Variants in GRID2 observed in about 807,000 individuals in gnomAD.
The protein encoded by GRID2 is glutamate receptor ionotropic, delta-2.
A neutral mutation model predicts 114.8 loss-of-function variants in GRID2; 33 were observed. The observed-to-expected ratio is 0.29, with a 90% CI of 0.22 to 0.38. The LOEUF (loss-of-function observed/expected upper bound fraction) is 0.38, where lower values mean the gene tolerates loss of function less well. Ranked by LOEUF, GRID2 falls within the 10% of genes least tolerant of loss-of-function variation. The pLI is 1.00. For synonymous variants in GRID2, 505 were observed against 449.9 expected, an observed-to-expected ratio of 1.12 and a Z score of -1.55; for missense variants, 1,184 against 1,257.7, an observed-to-expected ratio of 0.94 and a Z score of 0.89.
intron 2 of GRID2, among the ~76,000 whole-genome samples, chr4:92,934,359 T>C (rs1750475067): frequency 6.6e-6 from 1 of 151,662 alleles, no homozygotes; most frequent in Non-Finnish European, 1.5e-5. Flanking sequence ...AGAATGCTTG[T>C]GGTTTTTGTA....
intron 1 of GRID2, among the ~76,000 whole-genome samples, chr4:92,447,200 A>G (rs1431998747): frequency 1.3e-5 from 2 of 152,254 alleles, no homozygotes; most frequent in Non-Finnish European, 2.9e-5. Context: ...GTGATAATAC[A>G]TTACCTCAAG....
chr4:92,374,476 T>C (rs1226681001), intron 1 of GRID2, among the ~76,000 whole-genome samples: 1 of 152,092 alleles, frequency 6.6e-6, no homozygotes, highest in Non-Finnish European at 1.5e-5. Context: ...CCCTAAAATG[T>C]ATAAAACCAA....
intron 1 of GRID2, among the ~76,000 whole-genome samples, chr4:92,460,032 C>CTATATATATATA (rs373743453): frequency 0.012 from 594 of 48,396 alleles, 94 homozygotes; most frequent in African/African-American, 0.041. Context: ...ATAAATCTCA[C>CTATATATATATA]TATATATATA....
At chr4:92,695,892 C>A (rs1447352939) in intron 2 of GRID2, among the ~76,000 whole-genome samples, 1 of 152,086 alleles carries the variant, frequency 6.6e-6, no homozygotes, top group African/African-American at 2.4e-5. Flanking sequence ...ATAAGCCTTA[C>A]TTTTCAGATG....
intron 3 of GRID2, among the ~76,000 whole-genome samples, chr4:93,105,921 A>G (rs1732180910): frequency 6.6e-6 from 1 of 152,114 alleles, no homozygotes; most frequent in Non-Finnish European, 1.5e-5. Context: ...TTGTTGTGTA[A>G]TCTAGTATAT....
intron 15 of GRID2, among the ~76,000 whole-genome samples, chr4:93,770,324 T>G (rs1346544926): frequency 1.3e-5 from 2 of 152,242 alleles, no homozygotes; most frequent in African/African-American, 4.8e-5. Context: ...TCAAAGAAAC[T>G]TTTAAAGTTT....
chr4:92,400,270 C>T (rs1231101913), intron 1 of GRID2, among the ~76,000 whole-genome samples: 2 of 152,110 alleles, frequency 1.3e-5, no homozygotes, highest in Non-Finnish European at 1.5e-5. Flanking sequence ...GTTCACCTCT[C>T]CCTCCAGTTC....
intron 2 of GRID2, among the ~76,000 whole-genome samples, chr4:92,763,773 T>C (rs1738134127): frequency 1.3e-5 from 2 of 152,122 alleles, no homozygotes; most frequent in African/African-American, 4.8e-5. Flanking sequence ...GAGAACACAG[T>C]GAAAGAGGGA....
At chr4:92,943,563 C>A (rs1266032495) in intron 2 of GRID2, among the ~76,000 whole-genome samples, 4 of 152,102 alleles carry the variant, frequency 2.6e-5, no homozygotes, top group Admixed American at 1.3e-4. Context: ...TCGTCTGAAG[C>A]CTTCTTCTCT....
At chr4:92,927,339 G>T (rs1463315910) in intron 2 of GRID2, among the ~76,000 whole-genome samples, 1 of 151,822 alleles carries the variant, frequency 6.6e-6, no homozygotes, top group Non-Finnish European at 1.5e-5. Flanking sequence ...TAGCCTGCCA[G>T]TTCTATGGAT....
At chr4:93,176,456 A>C (rs538274083) in intron 4 of GRID2, among the ~76,000 whole-genome samples, 3 of 152,194 alleles carry the variant, frequency 2.0e-5, no homozygotes, top group Non-Finnish European at 4.4e-5. Flanking sequence ...AAAAATAAAC[A>C]TCAAAAAAGA....
At chr4:92,906,057 C>G (rs951709280) in intron 2 of GRID2, among the ~76,000 whole-genome samples, 4 of 152,068 alleles carry the variant, frequency 2.6e-5, no homozygotes, top group African/African-American at 9.7e-5. Flanking sequence ...TAGTCTTACA[C>G]TGAGAGGTGA....
chr4:92,790,656 G>T (rs536566015), intron 2 of GRID2, among the ~76,000 whole-genome samples: 1 of 149,212 alleles, frequency 6.7e-6, no homozygotes, highest in Non-Finnish European at 1.5e-5. Context: ...AGATTCAAGC[G>T]ATTCTCCCAA....
intron 2 of GRID2, among the ~76,000 whole-genome samples, chr4:92,700,889 G>T (rs1392267421): frequency 6.6e-6 from 1 of 151,982 alleles, no homozygotes; most frequent in Non-Finnish European, 1.5e-5. Flanking sequence ...CTACGCGGGA[G>T]GCTGAGAGGC....
At chr4:93,636,225 A>G (rs1309306428) in intron 14 of GRID2, among the ~76,000 whole-genome samples, 1 of 152,180 alleles carries the variant, frequency 6.6e-6, no homozygotes, top group African/African-American at 2.4e-5. Context: ...GCTGCTTTTC[A>G]AGCAGCAAGT....
rs905523219 is a variant in GRID2, at chr4:93,774,518, T to C, written c.*2020T>C. ...GAGTGACAGAGCTTTCTGTGTATAA[T>C]TTGTCTAAATAATTTGTCTAATAAA... is the stretch of plus-strand genomic sequence containing the variant. On this transcript the variant is annotated 3_prime_UTR_variant, in exon 16 of 16. Transcript: ENST00000282020. 12 of 152,286 alleles carry C rather than the reference T, an allele frequency of 7.9e-5. No individual in the cohort carries two copies. Among genetic ancestry groups the C allele is most frequent in the Admixed American group, 3.3e-4 (5 of 15,300 alleles). The allele number at this position is 152,286 out of a possible 1,614,324, so 9.4% of individuals were successfully genotyped here.
rs551544500 is a variant in GRID2 at position 92,443,738 on chromosome 4, T to C, written c.88+138994T>C. On this transcript the variant is annotated intron_variant, in intron 1 of 15. Coordinates refer to ENST00000282020, the MANE Select transcript of GRID2 (RefSeq NM_001510.4). ...AGAAGGGGTTGGGGTACTTGCCCCT[T>C]CCCCAGAAAAGCAGGACTTGCCGCT... Among the ~76,000 whole-genome samples the C allele has an allele frequency of 3.9e-5, 6 of 152,032 alleles. No homozygotes were observed. The South Asian group carries it at 1.2e-3, about 32-fold the overall frequency.
chr4:92,808,861 C>G (rs1055078830), intron 2 of GRID2, among the ~76,000 whole-genome samples: 1 of 150,964 alleles, frequency 6.6e-6, no homozygotes, highest in South Asian at 2.1e-4. Flanking sequence ...TTGGATAAAA[C>G]AAAATATTTT....
chr4:92,575,018 C>T (rs902327502), intron 1 of GRID2, among the ~76,000 whole-genome samples: 1 of 152,042 alleles, frequency 6.6e-6, no homozygotes, highest in African/African-American at 2.4e-5. Context: ...TTTGTTCATT[C>T]CTTTTTCTCT....
Sources: allele counts gnomAD v4.1 joint callset (sites outside exome capture counted in the v4.1 genomes callset), GRCh38; gene constraint gnomAD v4.1.1; transcripts MANE v1.5; gene names NCBI Gene and HGNC (gene_info 2026-07-23, HGNC 2026-07-21).